KLRC1: variants seen among roughly 807,000 people sequenced by gnomAD.
KLRC1 encodes killer cell lectin like receptor C1, also known as NKG2-A/NKG2-B type II integral membrane protein.
In KLRC1, 22 loss-of-function variants were observed where a neutral mutation model predicts 25.9. That is an observed-to-expected ratio of 0.85 (90% CI 0.61 to 1.21). KLRC1 has a LOEUF of 1.21. KLRC1 is among the 50% of genes most tolerant of loss of function. KLRC1 has a pLI of 0.00. For missense variants in KLRC1, 240 were observed against 272.2 expected, an observed-to-expected ratio of 0.88 and a Z score of 0.83; for synonymous variants, 77 against 93.1, an observed-to-expected ratio of 0.83 and a Z score of 0.99.
At position 10,450,533 on chromosome 12, in the gene KLRC1, A is replaced by G; in HGVS notation, c.234T>C (p.Ile78=). Residue 78 remains isoleucine (I), a synonymous_variant, in exon 3 of 7, where the codon ATT becomes ATC. Transcript: ENST00000359151. ...PEKLIVGILG[I]ICLILMASVV... Reference sequence around the variant, plus strand: ...CAGAGGCCATTAAGATAAGACAGATAATTCCCAGGATCCCAACAATGAGCT... The same window carrying G: ...CAGAGGCCATTAAGATAAGACAGATGATTCCCAGGATCCCAACAATGAGCT... 1 of 1,612,022 alleles carries G rather than the reference A, an allele frequency of 6.2e-7. No homozygotes were observed. The highest frequency in any genetic ancestry group is 8.5e-7 in the Non-Finnish European group (1 of 1,178,188).
chr12:10,445,570 C>A (rs1340973327), downstream of KLRC1, among the ~76,000 whole-genome samples: 1 of 151,814 alleles, frequency 6.6e-6, no homozygotes, highest in Non-Finnish European at 1.5e-5. Flanking sequence ...GTATAAAACC[C>A]TAGCCAGTGA....
intron 3 of KLRC1, 113 bp downstream of exon 3, chr12:10,450,371 C>G: frequency 1.6e-6 from 1 of 619,112 alleles, no homozygotes; most frequent in Non-Finnish European, 2.8e-6. Flanking sequence ...CACATTTAGT[C>G]CAAATATATA....
chr12:10,451,582 G>A (rs928256938), intron 1 of KLRC1, among the ~76,000 whole-genome samples: 1 of 152,032 alleles, frequency 6.6e-6, no homozygotes, highest in Non-Finnish European at 1.5e-5. Flanking sequence ...CTTGAACATG[G>A]GCGGCAGAGG....
intron 6 of KLRC1, 41 bp downstream of exon 6, chr12:10,447,491 T>C: frequency 7.3e-7 from 1 of 1,365,414 alleles, no homozygotes; most frequent in Non-Finnish European, 1.0e-6. Flanking sequence ...ATTTATCCTT[T>C]ATATATATAT....
chr12:10,449,088 A>G, intron 5 of KLRC1, 149 bp downstream of exon 5: 1 of 1,077,212 alleles, frequency 9.3e-7, no homozygotes, highest in Non-Finnish European at 1.3e-6. Flanking sequence ...ATGAATTTTA[A>G]AACATTATTA....
chr12:10,449,624 CCA>C (rs939916606), intron 4 of KLRC1, among the ~76,000 whole-genome samples: 11 of 152,122 alleles, frequency 7.2e-5, no homozygotes, highest in African/African-American at 2.7e-4. Flanking sequence ...AAACAAAAAT[CCA>C]CTCTATACAT....
downstream of KLRC1, among the ~76,000 whole-genome samples, chr12:10,443,258 G>C (rs1863934721): frequency 7.1e-6 from 1 of 140,448 alleles, no homozygotes. Context: ...AACAGCTCAC[G>C]GACCCCATGA....
chr12:10,454,154 A>G (rs1414341963), upstream of KLRC1, among the ~76,000 whole-genome samples: 2 of 152,268 alleles, frequency 1.3e-5, no homozygotes, highest in African/African-American at 4.8e-5. Context: ...AAATTGGCAG[A>G]ATAGGTGGTC....
intron 4 of KLRC1, 40 bp from the exon 5 acceptor site, chr12:10,449,428 T>G (rs750849244): frequency 1.9e-6 from 3 of 1,594,832 alleles, no homozygotes; most frequent in African/African-American, 2.7e-5. Flanking sequence ...CCAATATGAA[T>G]TTTTAAAAAT....
intron 6 of KLRC1, 110 bp downstream of exon 6, chr12:10,447,422 T>C: frequency 1.0e-6 from 1 of 982,398 alleles, no homozygotes; most frequent in Non-Finnish European, 1.5e-6. Flanking sequence ...TTCACTAACT[T>C]TCCACATCTT....
chr12:10,444,137 A>G (rs1863944689), downstream of KLRC1, among the ~76,000 whole-genome samples: 22 of 139,986 alleles, frequency 1.6e-4, 4 homozygotes, highest in Admixed American at 1.5e-3. Flanking sequence ...CCCTCAATGT[A>G]CATATATTAC....
upstream of KLRC1, chr12:10,454,341 T>C (rs1276995024): frequency 6.6e-6 from 1 of 152,254 alleles, no homozygotes; most frequent in Admixed American, 6.5e-5. Flanking sequence ...CCAACAGTGA[T>C]TCCATCTCCA....
In KLRC1 at chr12:10,446,564, T is replaced by A. The variant is rs1432991493; in HGVS notation, c.689A>T (p.Lys230Met). 1 of 1,613,628 alleles carries A rather than the reference T, an allele frequency of 6.2e-7. No individual in the cohort carries two copies. The highest frequency in any genetic ancestry group is 1.3e-5 in the African/African-American group (1 of 74,914). Residue 230 changes from lysine to methionine, a missense_variant, in exon 7 of 7, where the codon AAG becomes ATG. Coordinates refer to ENST00000359151, the MANE Select transcript of KLRC1 (RefSeq NM_002259.5). The stretch of plus-strand genomic sequence containing the variant: ...AACGCTTTACCTCTAAAGCTTATGC[T>A]TACAATGATATATTATTGAAGATCC... ...QCGSSIIYHCKHKL is the reference protein window; with the variant it reads ...QCGSSIIYHCMHKL
intron 4 of KLRC1, among the ~76,000 whole-genome samples, 161 bp downstream of exon 4, chr12:10,449,753 T>G (rs1038654533): frequency 2.6e-5 from 4 of 152,176 alleles, no homozygotes; most frequent in Admixed American, 1.3e-4. Context: ...CATAGTGATT[T>G]TACTTATAGT....
At chr12:10,452,999 A>G (rs538847063) in intron 1 of KLRC1, among the ~76,000 whole-genome samples, 199 bp downstream of exon 1, 1 of 152,370 alleles carries the variant, frequency 6.6e-6, no homozygotes, top group South Asian at 2.1e-4. Context: ...TCCACAAACA[A>G]TAATTTGAAA....
intron 5 of KLRC1, among the ~76,000 whole-genome samples, chr12:10,448,110 T>G (rs1461082732): frequency 6.6e-6 from 1 of 152,196 alleles, no homozygotes; most frequent in East Asian, 1.9e-4. Flanking sequence ...ACAGTGATCC[T>G]GACCAGGTGG....
At position 10,447,648 on chromosome 12, in the gene KLRC1, G is replaced by T. The variant is rs34378991; in HGVS notation, c.490-16C>A. 3.9e-5 allele frequency: 61 copies of T among 1,555,192 alleles called. No homozygotes were observed. Among genetic ancestry groups the T allele is most frequent in the South Asian group, 4.8e-5 (4 of 83,442 alleles). On this transcript the variant is annotated splice_polypyrimidine_tract_variant and intron_variant, in intron 5 of 6. Coordinates refer to ENST00000359151, the MANE Select transcript of KLRC1 (RefSeq NM_002259.5). Reference sequence around the variant, plus strand: ...ACAGAAATTTCTAAAAGAAAAGAAAGAATTTTCACTTAAATAATAATTATG... The same window carrying T: ...ACAGAAATTTCTAAAAGAAAAGAAATAATTTTCACTTAAATAATAATTATG...
intron 1 of KLRC1, among the ~76,000 whole-genome samples, chr12:10,451,821 G>C (rs1482342329): frequency 6.6e-6 from 1 of 151,964 alleles, no homozygotes; most frequent in East Asian, 1.9e-4. Flanking sequence ...AAAAACTTCT[G>C]CACTCATTTT....
Position 10,450,957 on chromosome 12 carries a change from T to G in KLRC1, c.187+13A>C. On this transcript the variant is annotated intron_variant, in intron 2 of 6. Transcript: ENST00000359151. ...CCTAGACTGTTATATTGAGGATCTT[T>G]TAAATGCTTTACCTTTGCAGTGATA... 1 of 1,591,158 alleles carries G rather than the reference T, an allele frequency of 6.3e-7. No individual in the cohort carries two copies. Among genetic ancestry groups the G allele is most frequent in the East Asian group, 2.2e-5 (1 of 44,796 alleles).
Sources: allele counts gnomAD v4.1 joint callset (sites outside exome capture counted in the v4.1 genomes callset), GRCh38; gene constraint gnomAD v4.1.1; transcripts MANE v1.5; gene names NCBI Gene and HGNC (gene_info 2026-07-23, HGNC 2026-07-21).